CACNB1: variants seen among roughly 807,000 people sequenced by gnomAD.
CACNB1 encodes the protein calcium voltage-gated channel auxiliary subunit beta 1.
Under a neutral mutation model 71.6 loss-of-function variants are expected in CACNB1, and 29 were observed. The observed-to-expected ratio is 0.40, with a 90% confidence interval of 0.30 to 0.55. The LOEUF (loss-of-function observed/expected upper bound fraction) is 0.55, where lower values mean the gene tolerates loss of function less well. Among genes scored for constraint, CACNB1 ranks in the 20% least tolerant of loss-of-function variants. The probability of loss-of-function intolerance (pLI) is 0.38; values close to 1 mark genes in which losing one functional copy is unlikely to be tolerated. For missense variants in CACNB1, 623 were observed against 801.8 expected (o/e 0.78, Z 2.69); for synonymous variants, 300 against 319.6 (o/e 0.94, Z 0.65).
chr17:39,186,563 G>C lies in CACNB1; in HGVS notation c.561C>G (p.Gly187=). 6.2e-7 allele frequency: 1 copy of C among 1,613,504 alleles called. No individual in the cohort carries two copies. The highest frequency in any genetic ancestry group is 8.5e-7 in the Non-Finnish European group (1 of 1,179,606). ...RQNRLGSSKS[G]DNSSSSLGDV... ...CTCCCAGACTGGAACTGGAGTTATC[G>C]CCTGATTTGCTGTGTGGGCAGAGGC... The change falls in exon 6 of 14, where the codon GGC becomes GGG. Residue 187 remains glycine (G), a synonymous_variant. Transcript: ENST00000394303. The surrounding 1 kb of genome is among the most constrained non-coding windows in gnomAD (Gnocchi z 4.1).
Position 39,177,912 on chromosome 17 carries a change from T to C in CACNB1, c.1146+72A>G, listed in dbSNP as rs889761850. ...GTGTTCCTGGTCACCCTGTCTCTCATGTAGGCCAGAGGAAACCAGGACAAC... is the reference window on the plus strand; with the variant it reads ...GTGTTCCTGGTCACCCTGTCTCTCACGTAGGCCAGAGGAAACCAGGACAAC... On this transcript the variant is annotated intron_variant, in intron 12 of 13. Transcript: ENST00000394303. 169 of 1,220,394 alleles carry C rather than the reference T, an allele frequency of 1.4e-4. No homozygotes were observed. In the African/African-American group the frequency reaches 2.3e-3, roughly 17 times the overall value. 75.6% of individuals were successfully genotyped at this position (1,220,394 alleles called of 1,614,324 possible).
intron 2 of CACNB1, chr17:39,193,078 A>T: frequency 5.2e-6 from 1 of 191,658 alleles, no homozygotes; most frequent in Non-Finnish European, 1.1e-5. Flanking sequence ...ACACTCACCA[A>T]CCCCAACACA....
In CACNB1 at chr17:39,194,938, T is replaced by C; in HGVS notation, c.117A>G (p.Lys39=). 2 of 1,613,318 alleles carry C rather than the reference T, an allele frequency of 1.2e-6. No individual in the cohort carries two copies. The highest frequency in any genetic ancestry group is 1.7e-6 in the Non-Finnish European group (2 of 1,179,452). ...CCGAGGACGTGCTCCCATCTGACCGTTTGAATCGCCCTTTCCTCTTGCTGT... is the reference window on the plus strand; with the variant it reads ...CCGAGGACGTGCTCCCATCTGACCGCTTGAATCGCCCTTTCCTCTTGCTGT... ...GKYSKRKGRF[K]RSDGSTSSDT... Residue 39 remains lysine, a synonymous_variant, in exon 2 of 14, where the codon AAA becomes AAG. Coordinates refer to ENST00000394303, the MANE Select transcript of CACNB1 (RefSeq NM_000723.5). This position sits in a 1 kb window ranked among gnomAD's most constrained non-coding sequence, Gnocchi z 4.6.
In CACNB1 at chr17:39,186,101, T is replaced by A; in HGVS notation, c.628+395A>T. ...TTCAAAGGCTAAGTTAGTCATTTCATTACCTGGACCGGAGAGTCAGGAGAG... is the reference window on the plus strand; with the variant it reads ...TTCAAAGGCTAAGTTAGTCATTTCAATACCTGGACCGGAGAGTCAGGAGAG... On this transcript the variant is annotated intron_variant, in intron 6 of 13. Coordinates refer to ENST00000394303, the MANE Select transcript of CACNB1 (RefSeq NM_000723.5). This position sits in a 1 kb window ranked among gnomAD's most constrained non-coding sequence, Gnocchi z 4.1. 6.2e-7 allele frequency: 1 copy of A among 1,613,598 alleles called. No homozygotes were observed. Among genetic ancestry groups the A allele is most frequent in the East Asian group, 2.2e-5 (1 of 44,872 alleles).
In CACNB1 at chr17:39,175,155, G is replaced by A. The variant is rs768012533; in HGVS notation, c.*38C>T. On this transcript the variant is annotated 3_prime_UTR_variant, in exon 14 of 14. Transcript: ENST00000394303. The surrounding 1 kb of genome is among the most constrained non-coding windows in gnomAD (Gnocchi z 4.7). ...CCCCTCGCTCCCTCCCCTCCCCTGG[G>A]CTCAGAGCCCTTCCTCCCGCCGTGT... 2 of 1,535,080 alleles carry A rather than the reference G, an allele frequency of 1.3e-6. No individual in the cohort carries two copies. Among genetic ancestry groups the A allele is most frequent in the Non-Finnish European group, 1.8e-6 (2 of 1,122,200 alleles).
rs1033757480 is a variant in CACNB1, at chr17:39,183,972, C to T, written c.898+59G>A. 20 of 1,532,644 alleles carry T rather than the reference C, an allele frequency of 1.3e-5. 1 individual carries two copies. Among genetic ancestry groups the T allele is most frequent in the Admixed American group, 1.0e-4 (6 of 59,734 alleles). The allele number at this position is 1,532,644 out of a possible 1,614,324, so 94.9% of individuals were successfully genotyped here. A position where few individuals can be genotyped will look rare whatever the true frequency, so the allele number is the denominator to read the frequency against. On this transcript the variant is annotated intron_variant, in intron 10 of 13. Coordinates refer to ENST00000394303, the MANE Select transcript of CACNB1 (RefSeq NM_000723.5). ...GCCCTGCCCACTACCTCCCACACCT[C>T]CCACCCCTCCCACATCCGGCCCAGA... is the stretch of plus-strand genomic sequence containing the variant.
intron 2 of CACNB1, chr17:39,193,167 G>A (rs1172738656): frequency 3.6e-6 from 1 of 274,866 alleles, no homozygotes; most frequent in Admixed American, 5.2e-5. Flanking sequence ...TACACACACA[G>A]TTACATGCAC....
Position 39,194,752 on chromosome 17 carries a change from T to G in CACNB1, c.171+132A>C, listed in dbSNP as rs1246270256. 1.1e-5 allele frequency: 7 copies of G among 629,382 alleles called. No homozygotes were observed. The highest frequency in any genetic ancestry group is 1.7e-5 in the Non-Finnish European group (6 of 356,224). The allele number at this position is 629,382 out of a possible 1,614,324, so 39.0% of individuals were successfully genotyped here. A position where few individuals can be genotyped will look rare whatever the true frequency, so the allele number is the denominator to read the frequency against. ...CAGAAGAGGTCATGGGGTGTCAGGG[T>G]GATGGGGTGGCTCCAGGCAGGTGAC... On this transcript the variant is annotated intron_variant, in intron 2 of 13. Coordinates refer to ENST00000394303, the MANE Select transcript of CACNB1 (RefSeq NM_000723.5). The surrounding 1 kb of genome is among the most constrained non-coding windows in gnomAD (Gnocchi z 4.6).
chr17:39,196,245 C>G (rs1363533606), intron 1 of CACNB1, among the ~76,000 whole-genome samples: 3 of 152,132 alleles, frequency 2.0e-5, no homozygotes, highest in African/African-American at 7.2e-5. Flanking sequence ...CCTCCCCGCC[C>G]TTCTCTCAAA....
At chr17:39,195,815 C>G (rs1442932734) in intron 1 of CACNB1, among the ~76,000 whole-genome samples, 1 of 152,170 alleles carries the variant, frequency 6.6e-6, no homozygotes, top group Admixed American at 6.5e-5. Flanking sequence ...CTACGTCAAT[C>G]TAAATGTCCC....
At chr17:39,188,681 G>A (rs1209161038) in intron 3 of CACNB1, among the ~76,000 whole-genome samples, 8 of 152,176 alleles carry the variant, frequency 5.3e-5, no homozygotes, top group Admixed American at 5.2e-4. Context: ...TCTCAGGGTA[G>A]AGGCGGGGCA....
Position 39,187,497 on chromosome 17 carries a change from G to A in CACNB1, c.396C>T (p.Asp132=), listed in dbSNP as rs145970291. The change falls in exon 4 of 14, where the codon GAC becomes GAT. Residue 132 remains aspartate (D), a synonymous_variant. Coordinates refer to ENST00000394303, the MANE Select transcript of CACNB1 (RefSeq NM_000723.5). ...QGVAITFEPK[D]FLHIKEKYNN... is the part of the protein sequence containing the mutation. ...TACCCACCTCCTTGATGTGCAGGAA[G>A]TCTTTGGGCTCGAAGGTGATGGCCA... 1 of 1,614,136 alleles carries A rather than the reference G, an allele frequency of 6.2e-7. No individual in the cohort carries two copies. Among genetic ancestry groups the A allele is most frequent in the Non-Finnish European group, 8.5e-7 (1 of 1,180,012 alleles).
At chr17:39,185,558 C>CCG (rs2045914537) in intron 6 of CACNB1, among the ~76,000 whole-genome samples, 1 of 151,602 alleles carries the variant, frequency 6.6e-6, no homozygotes, top group East Asian at 1.9e-4. Context: ...AGCCAGCAGC[C>CCG]CCCCCCCACT....
intron 2 of CACNB1, chr17:39,193,039 C>A (rs1231460293): frequency 6.0e-6 from 1 of 165,490 alleles, no homozygotes; most frequent in Non-Finnish European, 1.3e-5. Context: ...CCGACCCCAA[C>A]ACACACGCGG....
rs867833158 is a variant in CACNB1 at position 39,194,889 on chromosome 17, G to A, written c.166C>T (p.Arg56Cys). 3 of 1,608,984 alleles carry A rather than the reference G, an allele frequency of 1.9e-6. No homozygotes were observed. The highest frequency in any genetic ancestry group is 2.6e-6 in the Non-Finnish European group (3 of 1,176,074). Residue 56 changes from arginine (R) to cysteine (C), a missense_variant, in exon 2 of 14, where the codon CGC becomes TGC. Arg to Cys is a radical substitution (Grantham distance 180). Transcript: ENST00000394303. This position sits in a 1 kb window ranked among gnomAD's most constrained non-coding sequence, Gnocchi z 4.6. ...SSDTTSNSFV[R>C]QGSAESYTSR... is the part of the protein sequence containing the mutation. ...CCGCCCAGCCTCCCCATTACCTGGC[G>A]GACAAAGCTGTTGGATGTGGTATCC...
At position 39,186,745 on chromosome 17, in the gene CACNB1, C is replaced by T; in HGVS notation, c.551+48G>A. 2 of 1,608,482 alleles carry T rather than the reference C, an allele frequency of 1.2e-6. No homozygotes were observed. Among genetic ancestry groups the T allele is most frequent in the South Asian group, 2.2e-5 (2 of 90,724 alleles). On this transcript the variant is annotated intron_variant, in intron 5 of 13. Coordinates refer to ENST00000394303, the MANE Select transcript of CACNB1 (RefSeq NM_000723.5). The surrounding 1 kb of genome is among the most constrained non-coding windows in gnomAD (Gnocchi z 4.1). ...TTGAGGCCTAGTCCAGGCTGTATGG[C>T]CTCTCCTGGGGTTGGCAGCATCCCC...
At chr17:39,185,059 A>G (rs1010388928) in intron 7 of CACNB1, 72 bp downstream of exon 7, 12 of 1,354,178 alleles carry the variant, frequency 8.9e-6, no homozygotes, top group Non-Finnish European at 1.2e-5. Flanking sequence ...AGATGTGGGA[A>G]TGGGTGTTAG....
At position 39,184,375 on chromosome 17, in the gene CACNB1, G is replaced by T; in HGVS notation, c.738C>A (p.Asp246Glu). The change falls in exon 9 of 14, where the codon GAC becomes GAA. Residue 246 changes from aspartate (D) to glutamate (E), a missense_variant. Asp to Glu is a conservative substitution (Grantham distance 45, BLOSUM62 2). Transcript: ENST00000394303. ...AGTCAAATAAAGCTTTCTGCATCAT[G>T]TCTGTAACCTGGGGGTGGGGGTTTG... Reference protein sequence around the residue: ...GPSLKGYEVTDMMQKALFDFL... With the variant: ...GPSLKGYEVTEMMQKALFDFL... The T allele has an allele frequency of 7.7e-7, 1 of 1,296,452 alleles. No individual in the cohort carries two copies. Among genetic ancestry groups the T allele is most frequent in the Non-Finnish European group, 1.1e-6 (1 of 939,930 alleles). 80.3% of individuals were successfully genotyped at this position (1,296,452 alleles called of 1,614,324 possible).
chr17:39,177,156 T>A lies in CACNB1; in HGVS notation c.1332+194A>T, dbSNP rs35743327. On this transcript the variant is annotated intron_variant, in intron 13 of 13. Transcript: ENST00000394303. ...GAAGCTGCCGCTCATCTTATTTTTT[T>A]ACAAAATAAAGCTCTTCCCTTCCTC... 4,957 of 1,429,532 alleles carry A rather than the reference T, an allele frequency of 3.5e-3. 149 individuals are homozygous for A. In the African/African-American group the frequency reaches 0.062, roughly 18 times the overall value. The allele number at this position is 1,429,532 out of a possible 1,614,324, so 88.6% of individuals were successfully genotyped here.
Sources: allele counts gnomAD v4.1 joint callset (sites outside exome capture counted in the v4.1 genomes callset), GRCh38; gene constraint gnomAD v4.1.1; non-coding constraint Gnocchi (gnomAD v3.1); transcripts MANE v1.5; gene names NCBI Gene and HGNC (gene_info 2026-07-23, HGNC 2026-07-21).